NPLOC4: variants seen among roughly 807,000 people sequenced by gnomAD.
The protein encoded by NPLOC4 is nuclear protein localization protein 4 homolog.
NPLOC4 carries 18 observed loss-of-function variants against 80.6 expected under a neutral mutation model. That is an observed-to-expected ratio of 0.22 (90% confidence interval 0.15 to 0.33). NPLOC4 has a LOEUF of 0.33. NPLOC4 is among the 10% of genes least tolerant of loss of function. The pLI, the probability that NPLOC4 is intolerant of heterozygous loss-of-function variation, is 1.00. For synonymous variants in NPLOC4, 313 were observed against 301.5 expected, an observed-to-expected ratio of 1.04 and a Z score of -0.39; for missense variants, 540 against 786.1, an observed-to-expected ratio of 0.69 and a Z score of 3.74.
chr17:81,599,292 A>T (rs2035004454), intron 9 of NPLOC4, among the ~76,000 whole-genome samples: 1 of 151,042 alleles, frequency 6.6e-6, no homozygotes, highest in Admixed American at 6.6e-5. Context: ...CCTCAAAAAA[A>T]AAAAATAAAA....
chr17:81,566,258 G>A (rs1206816871), intron 15 of NPLOC4: 1 of 152,318 alleles, frequency 6.6e-6, no homozygotes, highest in African/African-American at 2.4e-5. Context: ...CTTGAACCCA[G>A]AAGGCGGAGG....
chr17:81,629,886 T>C lies in NPLOC4; in HGVS notation c.16-81A>G, dbSNP rs1374436805. The C allele has an allele frequency of 1.1e-5, 11 of 1,032,222 alleles. No individual in the cohort carries two copies. In the African/African-American group the frequency reaches 1.8e-4, roughly 17 times the overall value. 63.9% of individuals were successfully genotyped at this position (1,032,222 alleles called of 1,614,324 possible). On this transcript the variant is annotated intron_variant, in intron 1 of 16. Transcript: ENST00000331134. ...TACTACGGCTTCCATCTGTGGTCTT[T>C]TAGCATCTGGGTCACTGAAAATTAA...
intron 8 of NPLOC4, among the ~76,000 whole-genome samples, chr17:81,601,152 G>A (rs71373085): frequency 9.9e-4 from 151 of 152,226 alleles, no homozygotes; most frequent in Middle Eastern, 3.4e-3. Context: ...TGTAGCTTGC[G>A]GGTCATTCAA....
chr17:81,586,739 G>A (rs754788109), intron 12 of NPLOC4, among the ~76,000 whole-genome samples: 3 of 152,204 alleles, frequency 2.0e-5, no homozygotes, highest in Admixed American at 6.5e-5. Flanking sequence ...CAGGGCCAAT[G>A]AGACAAAGAT....
intron 12 of NPLOC4, among the ~76,000 whole-genome samples, chr17:81,588,443 C>T (rs1196986657): frequency 1.3e-5 from 2 of 152,196 alleles, no homozygotes; most frequent in Non-Finnish European, 2.9e-5. Context: ...TAACTGCAGC[C>T]TTGACCTCCC....
chr17:81,584,765 A>G (rs1598635201), intron 12 of NPLOC4, among the ~76,000 whole-genome samples: 2 of 152,348 alleles, frequency 1.3e-5, no homozygotes, highest in Middle Eastern at 6.8e-3. Flanking sequence ...AGATAGTGCT[A>G]TTTTGTAACA....
chr17:81,559,697 C>A (rs199525508), intron 16 of NPLOC4, among the ~76,000 whole-genome samples: 2 of 151,460 alleles, frequency 1.3e-5, no homozygotes, highest in African/African-American at 4.9e-5. Flanking sequence ...ACGTAACTCC[C>A]CGGGGGATGT....
intron 8 of NPLOC4, among the ~76,000 whole-genome samples, chr17:81,602,410 TA>T (rs988761432): frequency 6.7e-6 from 1 of 150,078 alleles, no homozygotes. Flanking sequence ...ATTAAACAAT[TA>T]AAAAAAAATC....
At chr17:81,606,259 C>T (rs1372523107) in intron 7 of NPLOC4, among the ~76,000 whole-genome samples, 1 of 152,146 alleles carries the variant, frequency 6.6e-6, no homozygotes, top group African/African-American at 2.4e-5. Flanking sequence ...AGGCAGGCTA[C>T]TCAGAGGCGG....
At chr17:81,579,132 T>C (rs1420006422) in intron 12 of NPLOC4, among the ~76,000 whole-genome samples, 3 of 152,208 alleles carry the variant, frequency 2.0e-5, no homozygotes, top group Non-Finnish European at 4.4e-5. Context: ...TCTAGCACTT[T>C]GGGAGGCAAG....
At chr17:81,635,183 T>TA (rs1568173848) in intron 1 of NPLOC4, among the ~76,000 whole-genome samples, 1 of 151,054 alleles carries the variant, frequency 6.6e-6, no homozygotes, top group East Asian at 2.0e-4. Context: ...CCACTAAAAA[T>TA]AAAAAAGACA....
intron 2 of NPLOC4, among the ~76,000 whole-genome samples, chr17:81,623,464 C>CAAAAAAAAAAAA (rs60092546): frequency 1.2e-5 from 1 of 82,600 alleles, no homozygotes; most frequent in African/African-American, 4.8e-5. Flanking sequence ...GACTTTGTTT[C>CAAAAAAAAAAAA]AAAAAAAAAA....
At chr17:81,623,588 G>A (rs2035723805) in intron 2 of NPLOC4, among the ~76,000 whole-genome samples, 1 of 151,534 alleles carries the variant, frequency 6.6e-6, no homozygotes, top group Admixed American at 6.6e-5. Flanking sequence ...CATGAGGTCA[G>A]GAGATCGAGA....
At chr17:81,587,316 TTTA>T (rs1454670214) in intron 12 of NPLOC4, among the ~76,000 whole-genome samples, 5 of 151,910 alleles carry the variant, frequency 3.3e-5, no homozygotes, top group Non-Finnish European at 5.9e-5. Context: ...TCTTTATTTT[TTTA>T]TTTTTTATTT....
intron 12 of NPLOC4, among the ~76,000 whole-genome samples, chr17:81,574,700 A>G (rs9893343): frequency 0.14 from 21,813 of 152,134 alleles, 1,861 homozygotes; most frequent in Admixed American, 0.23. Flanking sequence ...CCAGGGATCG[A>G]TGTCTTTGTT....
chr17:81,623,536 C>G (rs1222331081), intron 2 of NPLOC4, among the ~76,000 whole-genome samples: 1 of 149,222 alleles, frequency 6.7e-6, no homozygotes, highest in Non-Finnish European at 1.5e-5. Context: ...CGGTGGCTGA[C>G]GCCTGTAATC....
intron 13 of NPLOC4, among the ~76,000 whole-genome samples, chr17:81,571,756 G>T (rs1163172756): frequency 6.6e-6 from 1 of 152,208 alleles, no homozygotes; most frequent in African/African-American, 2.4e-5. Flanking sequence ...TATGGGGACA[G>T]TTAACCCCTA....
chr17:81,594,818 C>T (rs1372570773), intron 11 of NPLOC4, among the ~76,000 whole-genome samples: 1 of 151,856 alleles, frequency 6.6e-6, no homozygotes, highest in Non-Finnish European at 1.5e-5. Context: ...TGGTGGCGCA[C>T]GCGTGTAGTC....
At chr17:81,632,365 TGCAATGGCGTGATCTCGGCTCACTGCAA>T (rs2035955480) in intron 1 of NPLOC4, among the ~76,000 whole-genome samples, 1 of 149,538 alleles carries the variant, frequency 6.7e-6, no homozygotes, top group Non-Finnish European at 1.5e-5. Flanking sequence ...CAGGCTGGAG[TGCAATGGCGTGATCTCGGCTCACTGCAA>T]CCTCTGCCTC....
Sources: gnomAD v4.1 joint callset for allele counts (sites outside exome capture counted in the v4.1 genomes callset) on GRCh38, gnomAD v4.1.1 for gene constraint, MANE v1.5 for transcripts, NCBI Gene and HGNC (gene_info 2026-07-23, HGNC 2026-07-21) for gene names.